Variants in DHX35 observed in about 807,000 individuals in gnomAD.
DHX35 encodes the protein probable ATP-dependent RNA helicase DHX35.
A neutral mutation model predicts 99.6 loss-of-function variants in DHX35; 84 were observed. That is an observed-to-expected ratio of 0.84 (90% CI 0.71 to 1.01). DHX35 has a LOEUF of 1.01. Among genes scored for constraint, DHX35 ranks in the 50% least tolerant of loss-of-function variants. DHX35 has a pLI of 0.00. For missense variants in DHX35, 852 were observed against 888.5 expected, an observed-to-expected ratio of 0.96 and a Z score of 0.52; for synonymous variants, 331 against 316.2, an observed-to-expected ratio of 1.05 and a Z score of -0.50.
At chr20:38,995,536 A>AG (rs1287909691) in intron 8 of DHX35, among the ~76,000 whole-genome samples, 1 of 152,182 alleles carries the variant, frequency 6.6e-6, no homozygotes, top group African/African-American at 2.4e-5. Context: ...AAAAAAAAAA[A>AG]AAGTTTCTCC....
At chr20:38,978,050 A>G in intron 3 of DHX35, 1 of 747,264 alleles carries the variant, frequency 1.3e-6, no homozygotes, top group South Asian at 1.4e-5. Context: ...TCATCTTCTG[A>G]CTCTGCATCT....
chr20:38,972,053 G>A (rs1333290782), intron 2 of DHX35, among the ~76,000 whole-genome samples: 1 of 135,654 alleles, frequency 7.4e-6, no homozygotes, highest in Non-Finnish European at 1.5e-5. Flanking sequence ...CTGTTGCTCA[G>A]GCTGAAGTGC....
chr20:39,030,845 A>G (rs746782125), intron 20 of DHX35, 70 bp downstream of exon 20: 6 of 1,529,158 alleles, frequency 3.9e-6, no homozygotes, highest in South Asian at 3.4e-5. Context: ...TCTCCTGTAC[A>G]TGTTTCTTGA....
At chr20:38,986,143 G>T (rs1480113408) in intron 4 of DHX35, among the ~76,000 whole-genome samples, 1 of 150,502 alleles carries the variant, frequency 6.6e-6, no homozygotes, top group African/African-American at 2.4e-5. Context: ...ATACAAATTT[G>T]TGAAAGCTTA....
At chr20:39,022,090 G>A (rs1227379875) in intron 16 of DHX35, among the ~76,000 whole-genome samples, 155 bp downstream of exon 16, 1 of 152,168 alleles carries the variant, frequency 6.6e-6, no homozygotes, top group African/African-American at 2.4e-5. Context: ...GTTGTGTCAG[G>A]TGTTTTGCAG....
chr20:39,025,216 G>A lies in DHX35; in HGVS notation c.1672-14G>A. Reference sequence around the variant, plus strand: ...ATCTGTTTTCTAACTCCCTCTCTCTGGGTTGTTCTGTAGCACAATAAGGAC... The same window carrying A: ...ATCTGTTTTCTAACTCCCTCTCTCTAGGTTGTTCTGTAGCACAATAAGGAC... On this transcript the variant is annotated splice_polypyrimidine_tract_variant and intron_variant, in intron 17 of 21. Transcript: ENST00000252011. 2 of 1,604,764 alleles carry A rather than the reference G, an allele frequency of 1.2e-6. No homozygotes were observed. The highest frequency in any genetic ancestry group is 1.7e-6 in the Non-Finnish European group (2 of 1,175,724).
chr20:38,964,611 A>G (rs1228592335), intron 1 of DHX35, among the ~76,000 whole-genome samples: 1 of 151,990 alleles, frequency 6.6e-6, no homozygotes, highest in Non-Finnish European at 1.5e-5. Context: ...TTGTATTTTT[A>G]GTAGAGATGG....
chr20:39,011,600 C>T (rs543536713), intron 13 of DHX35, among the ~76,000 whole-genome samples: 1 of 152,150 alleles, frequency 6.6e-6, no homozygotes, highest in East Asian at 1.9e-4. Flanking sequence ...CTGGGCCTCC[C>T]GAAGTGCTAG....
intron 13 of DHX35, among the ~76,000 whole-genome samples, chr20:39,011,164 G>A (rs2086696589): frequency 2.0e-5 from 3 of 151,516 alleles, no homozygotes; most frequent in African/African-American, 4.8e-5. Context: ...GTTAGAATTT[G>A]TGTCAGTTAG....
chr20:39,017,214 A>G (rs1441588095), intron 14 of DHX35, among the ~76,000 whole-genome samples: 1 of 152,118 alleles, frequency 6.6e-6, no homozygotes, highest in Non-Finnish European at 1.5e-5. Flanking sequence ...GGAGTGAGGT[A>G]GGGGTCCATC....
chr20:38,965,406 C>T (rs2145825158), intron 1 of DHX35, among the ~76,000 whole-genome samples: 1 of 152,268 alleles, frequency 6.6e-6, no homozygotes. Flanking sequence ...ATCCTGTAGG[C>T]CTGAGCCTGT....
intron 11 of DHX35, among the ~76,000 whole-genome samples, chr20:39,004,489 C>CT (rs2086581391): frequency 1.3e-5 from 2 of 152,146 alleles, no homozygotes; most frequent in African/African-American, 4.8e-5. Flanking sequence ...CTTACTTTGG[C>CT]TTAAGGGATT....
intron 1 of DHX35, among the ~76,000 whole-genome samples, chr20:38,963,747 C>A (rs1019019195): frequency 2.0e-5 from 3 of 152,176 alleles, no homozygotes; most frequent in Non-Finnish European, 2.9e-5. Flanking sequence ...TTATTGAAAA[C>A]CTAATCCTGT....
At chr20:38,997,257 G>C (rs771167061) in intron 8 of DHX35, among the ~76,000 whole-genome samples, 92 of 152,102 alleles carry the variant, frequency 6.0e-4, no homozygotes, top group African/African-American at 2.1e-3. Flanking sequence ...TTTTAGTAGA[G>C]ATGGGGTCTC....
At chr20:39,033,266 A>AT (rs1477586953) in intron 20 of DHX35, among the ~76,000 whole-genome samples, 1 of 152,080 alleles carries the variant, frequency 6.6e-6, no homozygotes, top group East Asian at 1.9e-4. Context: ...ATCAAGAGAG[A>AT]TGCAAAACCT....
chr20:39,015,714 T>A (rs1219644446), intron 14 of DHX35, among the ~76,000 whole-genome samples: 1 of 152,192 alleles, frequency 6.6e-6, no homozygotes, highest in Non-Finnish European at 1.5e-5. Context: ...TACAATTCAC[T>A]CGTTTACAGT....
chr20:38,979,558 C>A (rs532141023), intron 3 of DHX35, among the ~76,000 whole-genome samples: 1 of 152,166 alleles, frequency 6.6e-6, no homozygotes, highest in Non-Finnish European at 1.5e-5. Context: ...TCTGCTACCC[C>A]TCTTATGGAG....
At chr20:39,007,480 A>G (rs2086638175) in intron 12 of DHX35, among the ~76,000 whole-genome samples, 1 of 152,186 alleles carries the variant, frequency 6.6e-6, no homozygotes, top group Non-Finnish European at 1.5e-5. Flanking sequence ...GATCTTCCTT[A>G]TCTTTCAAAT....
intron 12 of DHX35, among the ~76,000 whole-genome samples, chr20:39,007,525 C>T (rs140425627): frequency 6.6e-6 from 1 of 152,302 alleles, no homozygotes; most frequent in East Asian, 1.9e-4. Context: ...ATGAAGCTAC[C>T]TTAGATGCCT....
Sources: allele counts gnomAD v4.1 joint callset (sites outside exome capture counted in the v4.1 genomes callset), GRCh38; gene constraint gnomAD v4.1.1; transcripts MANE v1.5; gene names NCBI Gene and HGNC (gene_info 2026-07-23, HGNC 2026-07-21).